The following PPP2R5E variants were observed in gnomAD, a reference collection of about 807,000 sequenced individuals.
PPP2R5E encodes the protein protein phosphatase 2 regulatory subunit B'epsilon, also known as serine/threonine-protein phosphatase 2A 56 kDa regulatory subunit epsilon isoform.
In PPP2R5E, 4 loss-of-function variants were observed where a neutral mutation model predicts 65.3. The observed-to-expected ratio is 0.06, with a 90% CI of 0.03 to 0.14. The LOEUF (loss-of-function observed/expected upper bound fraction) is 0.14, where lower values mean the gene tolerates loss of function less well. PPP2R5E is among the 10% of genes least tolerant of loss of function. PPP2R5E has a pLI of 1.00. For missense variants in PPP2R5E, 274 were observed against 556.1 expected, an observed-to-expected ratio of 0.49 and a Z score of 5.10; for synonymous variants, 183 against 187.4, an observed-to-expected ratio of 0.98 and a Z score of 0.19.
intron 5 of PPP2R5E, among the ~76,000 whole-genome samples, chr14:63,410,671 A>G (rs1297436244): frequency 2.0e-5 from 3 of 152,218 alleles, no homozygotes; most frequent in African/African-American, 7.2e-5. Context: ...GGTAAGGAAA[A>G]GGACAGGAGG....
At chr14:63,520,673 G>A (rs1044265971) in intron 2 of PPP2R5E, among the ~76,000 whole-genome samples, 5 of 151,920 alleles carry the variant, frequency 3.3e-5, no homozygotes, top group Admixed American at 6.6e-5. Context: ...AGTTAGCCAG[G>A]TCCTAGGCGG....
intron 4 of PPP2R5E, among the ~76,000 whole-genome samples, chr14:63,420,621 C>A (rs1021161821): frequency 7.9e-5 from 12 of 152,186 alleles, no homozygotes; most frequent in Admixed American, 2.0e-4. Flanking sequence ...CACGTGTGTA[C>A]TTGCAGAAAC....
chr14:63,382,039 A>G lies in PPP2R5E; in HGVS notation c.1304+17T>C. 1 of 1,595,000 alleles carries G rather than the reference A, an allele frequency of 6.3e-7. No individual in the cohort carries two copies. Among genetic ancestry groups the G allele is most frequent in the Non-Finnish European group, 8.6e-7 (1 of 1,167,236 alleles). ...ATAGCTTTATGCACAGCTGACAAAA[A>G]AGCTTTAAAAAGTTACCGCTGACGA... On this transcript the variant is annotated intron_variant, in intron 13 of 13. Coordinates refer to ENST00000337537, the MANE Select transcript of PPP2R5E (RefSeq NM_006246.5).
intron 3 of PPP2R5E, among the ~76,000 whole-genome samples, chr14:63,448,495 CA>C (rs1188388384): frequency 6.6e-6 from 1 of 151,456 alleles, no homozygotes; most frequent in Non-Finnish European, 1.5e-5. Flanking sequence ...AAGGTTGCCA[CA>C]AACCTTCAAT....
intron 2 of PPP2R5E, among the ~76,000 whole-genome samples, chr14:63,518,921 T>A (rs1386950345): frequency 6.6e-6 from 1 of 151,562 alleles, no homozygotes; most frequent in African/African-American, 2.4e-5. Flanking sequence ...AATAAAAAAA[T>A]AAAAAAAATA....
chr14:63,455,950 A>G (rs113442964), intron 2 of PPP2R5E, among the ~76,000 whole-genome samples: 4 of 152,106 alleles, frequency 2.6e-5, no homozygotes, highest in African/African-American at 9.7e-5. Flanking sequence ...TATTTTTAGT[A>G]AAGACAGGGT....
chr14:63,412,903 A>C (rs1051018263), intron 5 of PPP2R5E, among the ~76,000 whole-genome samples: 1 of 152,174 alleles, frequency 6.6e-6, no homozygotes, highest in Non-Finnish European at 1.5e-5. Context: ...GTGAACACAA[A>C]AGCTGTGTTC....
At chr14:63,539,125 A>G (rs140227853) in intron 2 of PPP2R5E, among the ~76,000 whole-genome samples, 220 of 152,266 alleles carry the variant, frequency 1.4e-3, no homozygotes, top group African/African-American at 5.1e-3. Flanking sequence ...ACCATTTTCT[A>G]TATGTAAATT....
intron 3 of PPP2R5E, among the ~76,000 whole-genome samples, chr14:63,429,899 G>A (rs376225497): frequency 5.3e-5 from 8 of 152,186 alleles, no homozygotes; most frequent in African/African-American, 1.9e-4. Flanking sequence ...GGTCAGGCTA[G>A]TCTTGAACTC....
rs376861517 is a variant in PPP2R5E at position 63,382,189 on chromosome 14, G to C, written c.1203-32C>G. 2.6e-6 allele frequency: 4 copies of C among 1,555,488 alleles called. No homozygotes were observed. The South Asian group carries it at 3.4e-5, about 13-fold the overall frequency. ...AGCACAGAAAAAAAGGAGTGTGTTAGTTAGTCTTATAAAATGGGATACTGA... is the reference window on the plus strand; with the variant it reads ...AGCACAGAAAAAAAGGAGTGTGTTACTTAGTCTTATAAAATGGGATACTGA... On this transcript the variant is annotated intron_variant, in intron 12 of 13. Coordinates refer to ENST00000337537, the MANE Select transcript of PPP2R5E (RefSeq NM_006246.5).
At chr14:63,459,539 GC>G (rs1323216903) in intron 2 of PPP2R5E, among the ~76,000 whole-genome samples, 1 of 152,084 alleles carries the variant, frequency 6.6e-6, no homozygotes, top group Non-Finnish European at 1.5e-5. Context: ...ATGCACATAA[GC>G]AAATAAAAAA....
At chr14:63,477,189 ATAC>A (rs749181622) in intron 2 of PPP2R5E, among the ~76,000 whole-genome samples, 108 of 152,128 alleles carry the variant, frequency 7.1e-4, no homozygotes, top group Non-Finnish European at 1.1e-3. Flanking sequence ...ACAGCATATA[ATAC>A]TACTACTACA....
chr14:63,434,082 A>C (rs1431446079), intron 3 of PPP2R5E, among the ~76,000 whole-genome samples: 1 of 152,206 alleles, frequency 6.6e-6, no homozygotes, highest in Non-Finnish European at 1.5e-5. Flanking sequence ...AAACATATGC[A>C]TGGGTTCAAT....
intron 2 of PPP2R5E, among the ~76,000 whole-genome samples, chr14:63,479,720 A>T (rs1890597022): frequency 6.6e-6 from 1 of 151,692 alleles, no homozygotes; most frequent in South Asian, 2.1e-4. Flanking sequence ...GGGAGAACCT[A>T]AAAAAAAATT....
intron 2 of PPP2R5E, among the ~76,000 whole-genome samples, chr14:63,522,871 C>T (rs1393962614): frequency 1.3e-5 from 2 of 150,056 alleles, no homozygotes; most frequent in Admixed American, 6.6e-5. Flanking sequence ...GGGGGGTCAG[C>T]CCCCCGCCCG....
In PPP2R5E at chr14:63,373,488, T is replaced by C. The variant is rs1443142387; in HGVS notation, c.*2521A>G. The stretch of plus-strand genomic sequence containing the variant: ...CGCACACAACATGACTAATGTCACA[T>C]TGTCACTTTCCATTAAAAAAGAAAA... On this transcript the variant is annotated 3_prime_UTR_variant, in exon 14 of 14. Transcript: ENST00000337537. The C allele has an allele frequency of 6.7e-6, 1 of 150,124 alleles. No homozygotes were observed. Among genetic ancestry groups the C allele is most frequent in the East Asian group, 2.2e-4 (1 of 4,640 alleles). The allele number at this position is 150,124 out of a possible 1,614,324, so 9.3% of individuals were successfully genotyped here. A position where few individuals can be genotyped will look rare whatever the true frequency, so the allele number is the denominator to read the frequency against.
intron 2 of PPP2R5E, among the ~76,000 whole-genome samples, chr14:63,517,645 T>C (rs1487560790): frequency 6.6e-6 from 1 of 152,228 alleles, no homozygotes; most frequent in African/African-American, 2.4e-5. Context: ...CAAAATGCAG[T>C]GCAGATAATT....
rs112742981 is a variant in PPP2R5E at position 63,427,999 on chromosome 14, C to T, written c.355-5905G>A. On this transcript the variant is annotated intron_variant, in intron 3 of 13. Transcript: ENST00000337537. ...TTTTTCCTCTCATCTTCCCTACTCC[C>T]ATTTCTTTTTAACATTTTTACTACT... 4.8e-3 allele frequency among the ~76,000 whole-genome samples: 735 copies of T among 152,248 alleles called. 4 individuals are homozygous for T. The highest frequency in any genetic ancestry group is 6.7e-3 in the Non-Finnish European group (456 of 68,008).
chr14:63,527,573 T>G (rs1277564007), intron 2 of PPP2R5E, among the ~76,000 whole-genome samples: 1 of 152,226 alleles, frequency 6.6e-6, no homozygotes. Context: ...CTTCTGGAAT[T>G]TAATCTGACT....
Sources: gnomAD v4.1 joint callset for allele counts (sites outside exome capture counted in the v4.1 genomes callset) on GRCh38, gnomAD v4.1.1 for gene constraint, MANE v1.5 for transcripts, NCBI Gene and HGNC (gene_info 2026-07-23, HGNC 2026-07-21) for gene names.